KHDRBS2: variants seen among roughly 807,000 people sequenced by gnomAD.
The protein encoded by KHDRBS2 is KH RNA binding domain containing, signal transduction associated 2, also known as KH domain-containing, RNA-binding, signal transduction-associated protein 2.
Under a neutral mutation model 44.3 loss-of-function variants are expected in KHDRBS2, and 26 were observed. The ratio of observed to expected loss-of-function variants is 0.59; its 90% CI spans 0.43 to 0.81. The LOEUF (loss-of-function observed/expected upper bound fraction) is 0.81, where lower values mean the gene tolerates loss of function less well. Among genes scored for constraint, KHDRBS2 ranks in the 40% least tolerant of loss-of-function variants. KHDRBS2 has a pLI of 0.00. For missense variants in KHDRBS2, 476 were observed against 433.1 expected, an observed-to-expected ratio of 1.10 and a Z score of -0.88; for synonymous variants, 194 against 151.1, an observed-to-expected ratio of 1.28 and a Z score of -2.08.
rs570010233 is a variant in KHDRBS2 at position 61,795,217 on chromosome 6, T to C, written c.811-62453A>G. On this transcript the variant is annotated intron_variant, in intron 6 of 8. Transcript: ENST00000281156. ...CTACACTACTTTCTAATTATACACATAGGTCTCAACTATATAACAGCAATG... is the reference window on the plus strand; with the variant it reads ...CTACACTACTTTCTAATTATACACACAGGTCTCAACTATATAACAGCAATG... Among the ~76,000 whole-genome samples the C allele has an allele frequency of 3.5e-5, 5 of 141,758 alleles. No individual in the cohort carries two copies. In the East Asian group the frequency reaches 1.1e-3, roughly 30 times the overall value. The allele number at this position is 141,758 out of a possible 152,430, so 93.0% of individuals were successfully genotyped here.
the KHDRBS2 span, among the ~76,000 whole-genome samples, chr6:61,561,949 C>T: frequency 5.9e-5 from 9 of 152,134 alleles, no homozygotes; most frequent in Non-Finnish European, 8.8e-5. Flanking sequence ...CAAAACAATA[C>T]TTCCAGTTAT....
At chr6:61,663,499 C>CCATATATA in the KHDRBS2 span, among the ~76,000 whole-genome samples, 2 of 5,632 alleles carry the variant, frequency 3.6e-4, no homozygotes, top group Admixed American at 2.3e-3. Flanking sequence ...GCATGAGACA[C>CCATATATA]CATATATATA....
At chr6:61,547,352 T>C in the KHDRBS2 span, among the ~76,000 whole-genome samples, 1 of 152,154 alleles carries the variant, frequency 6.6e-6, no homozygotes, top group African/African-American at 2.4e-5. Context: ...TTATTAAACT[T>C]TCTATAATTT....
chr6:62,243,143 T>C (rs1346005810), intron 1 of KHDRBS2, among the ~76,000 whole-genome samples: 3 of 152,124 alleles, frequency 2.0e-5, no homozygotes, highest in African/African-American at 4.8e-5. Context: ...ATATATGCTC[T>C]AGAAATACAA....
chr6:61,771,589 A>G (rs1780918889), intron 6 of KHDRBS2, among the ~76,000 whole-genome samples: 1 of 152,218 alleles, frequency 6.6e-6, no homozygotes, highest in Non-Finnish European at 1.5e-5. Context: ...AGAGACAAAG[A>G]AGGCCATTAC....
At chr6:61,672,890 C>T in the KHDRBS2 span, among the ~76,000 whole-genome samples, 2 of 151,866 alleles carry the variant, frequency 1.3e-5, no homozygotes, top group Admixed American at 1.3e-4. Flanking sequence ...GTTGCCATTG[C>T]TTTTGGTGTT....
the KHDRBS2 span, among the ~76,000 whole-genome samples, chr6:61,619,836 A>G: frequency 9.9e-5 from 15 of 152,048 alleles, no homozygotes; most frequent in African/African-American, 3.4e-4. Context: ...CGGTACTTAG[A>G]TTGTTCTCAC....
At position 61,990,994 on chromosome 6, in the gene KHDRBS2, C is replaced by T. The variant is rs528496347; in HGVS notation, c.337-12782G>A. ...AAATGCTGGGATTACAGGCATGAGC[C>T]ACTGCAACCAGCCTGATAACCCTTT... On this transcript the variant is annotated intron_variant, in intron 3 of 8. Coordinates refer to ENST00000281156, the MANE Select transcript of KHDRBS2 (RefSeq NM_152688.4). 1.2e-4 allele frequency among the ~76,000 whole-genome samples: 18 copies of T among 152,244 alleles called. No individual in the cohort carries two copies. In the South Asian group the frequency reaches 3.7e-3, roughly 32 times the overall value.
chr6:62,064,003 C>T (rs1036666957), intron 2 of KHDRBS2, among the ~76,000 whole-genome samples: 2 of 148,292 alleles, frequency 1.3e-5, no homozygotes, highest in African/African-American at 5.0e-5. Context: ...AACAGAGACC[C>T]AAATCATGAG....
chr6:62,284,642 C>G (rs557970855), intron 1 of KHDRBS2, among the ~76,000 whole-genome samples: 41 of 152,032 alleles, frequency 2.7e-4, no homozygotes, highest in Middle Eastern at 3.4e-3. Flanking sequence ...TCCCTGAAAA[C>G]AGTTTAGTTA....
chr6:62,068,898 GC>G (rs1215116650), intron 2 of KHDRBS2, among the ~76,000 whole-genome samples: 7 of 151,546 alleles, frequency 4.6e-5, no homozygotes, highest in African/African-American at 1.7e-4. Context: ...GAATATTGTA[GC>G]TTTGTAGTAT....
intron 2 of KHDRBS2, among the ~76,000 whole-genome samples, chr6:62,054,260 C>A (rs1789758522): frequency 6.6e-6 from 1 of 152,012 alleles, no homozygotes; most frequent in Non-Finnish European, 1.5e-5. Context: ...CTATTCCTTC[C>A]ACATATCAAG....
chr6:61,913,009 T>A lies in KHDRBS2; in HGVS notation c.484-11638A>T, dbSNP rs570659557. ...GCCAAACTGCTAAGCTGCTTGTGTC[T>A]ATCAAGTGCCTTCATCACAGACATG... On this transcript the variant is annotated intron_variant, in intron 4 of 8. Transcript: ENST00000281156. 6.4e-4 allele frequency among the ~76,000 whole-genome samples: 97 copies of A among 152,250 alleles called. 1 individual carries two copies. In the South Asian group the frequency reaches 0.02, roughly 31 times the overall value.
At chr6:61,947,018 T>A (rs1813512705) in intron 4 of KHDRBS2, among the ~76,000 whole-genome samples, 1 of 152,198 alleles carries the variant, frequency 6.6e-6, no homozygotes. Flanking sequence ...TATCATCTTT[T>A]AAAATTGTAT....
At chr6:62,127,901 TATCA>T (rs1304303245) in intron 2 of KHDRBS2, among the ~76,000 whole-genome samples, 2 of 152,160 alleles carry the variant, frequency 1.3e-5, no homozygotes, top group African/African-American at 4.8e-5. Flanking sequence ...ATCATGCAAT[TATCA>T]ATTAGTTAAC....
At chr6:62,044,398 C>T (rs1049462038) in intron 3 of KHDRBS2, among the ~76,000 whole-genome samples, 2 of 151,796 alleles carry the variant, frequency 1.3e-5, no homozygotes, top group Non-Finnish European at 2.9e-5. Context: ...ATCACTCGAG[C>T]CCTGAGCCCA....
intron 6 of KHDRBS2, among the ~76,000 whole-genome samples, chr6:61,878,761 C>T (rs551459394): frequency 6.6e-6 from 1 of 152,066 alleles, no homozygotes; most frequent in Admixed American, 6.6e-5. Context: ...CGCCACTTTT[C>T]GAATCAAACC....
intron 6 of KHDRBS2, among the ~76,000 whole-genome samples, chr6:61,844,489 T>C (rs967557610): frequency 1.3e-5 from 2 of 152,184 alleles, no homozygotes; most frequent in African/African-American, 4.8e-5. Context: ...ATTCTTATAA[T>C]GATCCTTGTG....
intron 8 of KHDRBS2, 132 bp downstream of exon 8, chr6:61,697,063 C>G: frequency 1.4e-6 from 1 of 707,598 alleles, no homozygotes; most frequent in Non-Finnish European, 2.5e-6. Context: ...CAAATCTCAC[C>G]CTGGAATTAC....
Sources: allele counts gnomAD v4.1 joint callset (sites outside exome capture counted in the v4.1 genomes callset), GRCh38; gene constraint gnomAD v4.1.1; transcripts MANE v1.5; gene names NCBI Gene and HGNC (gene_info 2026-07-23, HGNC 2026-07-21).